Variants in CSRP3 observed in about 807,000 individuals in gnomAD.
CSRP3 encodes the protein cysteine and glycine-rich protein 3.
In CSRP3, 24 loss-of-function variants were observed where a neutral mutation model predicts 24.3. That is an observed-to-expected ratio of 0.99 (90% CI 0.71 to 1.39). The LOEUF (loss-of-function observed/expected upper bound fraction) is 1.39, where lower values mean the gene tolerates loss of function less well. CSRP3 is among the 40% of genes most tolerant of loss of function. The pLI is 0.00. For missense variants in CSRP3, 240 were observed against 249.0 expected (o/e 0.96, Z 0.24); for synonymous variants, 105 against 94.0 (o/e 1.12, Z -0.68).
intron 2 of CSRP3, among the ~76,000 whole-genome samples, chr11:19,189,493 T>C (rs753813427): frequency 6.6e-6 from 1 of 152,242 alleles, no homozygotes; most frequent in Non-Finnish European, 1.5e-5. Context: ...GTGCATTAAA[T>C]GTATTTGCCT....
chr11:19,192,523 G>A, intron 1 of CSRP3, 47 bp from the exon 2 acceptor site: 2 of 1,194,350 alleles, frequency 1.7e-6, no homozygotes, highest in Non-Finnish European at 2.5e-6. Context: ...GGCCCCAGGA[G>A]TGAACCAATC....
chr11:19,186,949 T>C (rs145754157), intron 3 of CSRP3, among the ~76,000 whole-genome samples: 1 of 152,314 alleles, frequency 6.6e-6, no homozygotes, highest in Non-Finnish European at 1.5e-5. Context: ...GGTGTTTGCT[T>C]GTATATTATA....
At chr11:19,199,277 C>T (rs1228256910) in intron 1 of CSRP3, among the ~76,000 whole-genome samples, 1 of 152,092 alleles carries the variant, frequency 6.6e-6, no homozygotes, top group Non-Finnish European at 1.5e-5. Flanking sequence ...CTTCTGAACC[C>T]AGATATATGA....
chr11:19,197,558 T>TCTTC (rs1554968717), intron 1 of CSRP3, among the ~76,000 whole-genome samples: 6 of 141,492 alleles, frequency 4.2e-5, no homozygotes, highest in African/African-American at 1.7e-4. Context: ...TTTCTTTCTT[T>TCTTC]CTTTCTTTCT....
At position 19,192,465 on chromosome 11, in the gene CSRP3, T is replaced by G. The variant is rs1440952108; in HGVS notation, c.-17A>C. 6.3e-7 allele frequency: 1 copy of G among 1,598,364 alleles called. No individual in the cohort carries two copies. The highest frequency in any genetic ancestry group is 1.3e-5 in the African/African-American group (1 of 74,622). ...GTTTGGCATCTTGAAGACTATCTGG[T>G]CAAGGTCAAGTCTAAGGGGACATAA... On this transcript the variant is annotated 5_prime_UTR_variant, in exon 2 of 6. Coordinates refer to ENST00000265968, the MANE Select transcript of CSRP3 (RefSeq NM_003476.5).
chr11:19,187,012 A>G (rs1450458079), intron 3 of CSRP3, among the ~76,000 whole-genome samples: 1 of 152,096 alleles, frequency 6.6e-6, no homozygotes, highest in Admixed American at 6.6e-5. Context: ...GTTGGAGGAG[A>G]GTGAGGATCA....
intron 3 of CSRP3, among the ~76,000 whole-genome samples, chr11:19,187,275 T>C (rs1850542325): frequency 6.6e-6 from 1 of 152,224 alleles, no homozygotes; most frequent in Non-Finnish European, 1.5e-5. Flanking sequence ...CACACATCTC[T>C]CCACGTTTCC....
At position 19,182,385 on chromosome 11, in the gene CSRP3, CAAAGA is replaced by C. The variant is rs1275244891; in HGVS notation, c.*280_*284del. On this transcript the variant is annotated 3_prime_UTR_variant, in exon 6 of 6. Transcript: ENST00000265968. ...TTTATGTTTTTGAAAATTTCTATCT[CAAAGA>C]AAAGATCTAGAGCCATACAAGATAG... 7.5e-6 allele frequency: 3 copies of C among 400,098 alleles called. No individual in the cohort carries two copies. The highest frequency in any genetic ancestry group is 2.0e-5 in the African/African-American group (1 of 50,456). The allele number at this position is 400,098 out of a possible 1,614,324, so 24.8% of individuals were successfully genotyped here.
chr11:19,197,393 C>CCTTA (rs1850742869), intron 1 of CSRP3, among the ~76,000 whole-genome samples: 1 of 6,868 alleles, frequency 1.5e-4, no homozygotes, highest in African/African-American at 8.6e-4. Context: ...TCCCTCCCTT[C>CCTTA]CTTCCTTCCT....
Position 19,182,658 on chromosome 11 carries a change from C to T in CSRP3, c.*12G>A, listed in dbSNP as rs45607943. 396 of 1,612,974 alleles carry T rather than the reference C, an allele frequency of 2.5e-4. 1 individual carries two copies. The African/African-American group carries it at 3.7e-3, about 15-fold the overall frequency. On this transcript the variant is annotated 3_prime_UTR_variant, in exon 6 of 6. Transcript: ENST00000265968. ...TTAGGCTCGCAAAAAATCTGAGAAA[C>T]GGCGCACCTCTTCATTCTTTCTTTT...
intron 2 of CSRP3, among the ~76,000 whole-genome samples, chr11:19,189,798 G>A (rs1850586690): frequency 6.6e-6 from 1 of 152,150 alleles, no homozygotes; most frequent in Non-Finnish European, 1.5e-5. Context: ...AAAATAATTG[G>A]AAGAATGTCT....
intron 1 of CSRP3, among the ~76,000 whole-genome samples, chr11:19,197,411 T>A (rs1182972418): frequency 1.3e-5 from 1 of 77,756 alleles, no homozygotes. Context: ...CCTTCCTTCC[T>A]TCCTTCCTTC....
intron 3 of CSRP3, among the ~76,000 whole-genome samples, chr11:19,187,218 A>G (rs1186971477): frequency 1.3e-5 from 2 of 152,270 alleles, no homozygotes; most frequent in African/African-American, 4.8e-5. Flanking sequence ...GAGATTGAGT[A>G]ATAAGACAAA....
chr11:19,186,311 G>C lies in CSRP3; in HGVS notation c.319C>G (p.Pro107Ala). 1 of 1,614,226 alleles carries C rather than the reference G, an allele frequency of 6.2e-7. No individual in the cohort carries two copies. The highest frequency in any genetic ancestry group is 1.3e-5 in the African/African-American group (1 of 75,058). The change falls in exon 4 of 6, where the codon CCT becomes GCT. Residue 107 changes from proline (P) to alanine (A), a missense_variant. By Grantham distance (27) the Pro-to-Ala change is conservative. Transcript: ENST00000265968. ...KPARSVTTSN[P>A]SKFTAKFGES... is the part of the protein sequence containing the mutation. ...CCAAACTTCGCAGTGAATTTGGAAG[G>C]GTTGCTGGTGGTAACTGAGCGTGCC... is the stretch of plus-strand genomic sequence containing the variant.
At chr11:19,201,606 G>A (rs1479672874) in intron 1 of CSRP3, among the ~76,000 whole-genome samples, 1 of 152,238 alleles carries the variant, frequency 6.6e-6, no homozygotes, top group Non-Finnish European at 1.5e-5. Context: ...GAGAAGGTCA[G>A]CAGACTTTCC....
chr11:19,188,794 G>A (rs2133512246), intron 2 of CSRP3, among the ~76,000 whole-genome samples: 1 of 152,214 alleles, frequency 6.6e-6, no homozygotes, highest in Admixed American at 6.5e-5. Flanking sequence ...GCAGACAATT[G>A]CCATTGAGGC....
chr11:19,198,243 A>G (rs1001999413), intron 1 of CSRP3, among the ~76,000 whole-genome samples: 1 of 152,182 alleles, frequency 6.6e-6, no homozygotes, highest in African/African-American at 2.4e-5. Context: ...GCTGCCATTT[A>G]ACCCCCCGTT....
chr11:19,196,036 G>A (rs9804624), intron 1 of CSRP3, among the ~76,000 whole-genome samples: 19,313 of 152,118 alleles, frequency 0.13, 1,965 homozygotes, highest in African/African-American at 0.28. Flanking sequence ...AGGCCGAGGC[G>A]AATGGATCAT....
intron 1 of CSRP3, among the ~76,000 whole-genome samples, chr11:19,192,807 T>C (rs1850638003): frequency 6.6e-6 from 1 of 152,188 alleles, no homozygotes; most frequent in African/African-American, 2.4e-5. Flanking sequence ...GATCGTTTTT[T>C]TTTTCATCTC....
Sources: gnomAD v4.1 joint callset for allele counts (sites outside exome capture counted in the v4.1 genomes callset) on GRCh38, gnomAD v4.1.1 for gene constraint, MANE v1.5 for transcripts, NCBI Gene and HGNC (gene_info 2026-07-23, HGNC 2026-07-21) for gene names.